The following DNAH1 variants were observed in gnomAD, a reference collection of about 807,000 sequenced individuals.
The protein encoded by DNAH1 is axonemal beta dynein heavy chain 1.
A neutral mutation model predicts 484.3 loss-of-function variants in DNAH1; 327 were observed. The observed-to-expected ratio is 0.68, with a 90% confidence interval of 0.62 to 0.74. DNAH1 has a LOEUF of 0.74. Ranked by LOEUF, DNAH1 falls within the 30% of genes least tolerant of loss-of-function variation. The pLI, the probability that DNAH1 is intolerant of heterozygous loss-of-function variation, is 0.00. For synonymous variants in DNAH1, 2,192 were observed against 2,191.9 expected, an observed-to-expected ratio of 1.00 and a Z score of 0.00; for missense variants, 5,052 against 5,546.8, an observed-to-expected ratio of 0.91 and a Z score of 2.83.
intron 44 of DNAH1, 64 bp downstream of exon 44, chr3:52,373,117 C>T (rs1703422991): frequency 2.0e-6 from 3 of 1,511,638 alleles, no homozygotes; most frequent in Non-Finnish European, 2.6e-6. Flanking sequence ...GCACAGGAGG[C>T]ACAGCACTGA....
At chr3:52,394,797 C>T in intron 67 of DNAH1, 118 bp from the exon 68 acceptor site, 2 of 1,494,040 alleles carry the variant, frequency 1.3e-6, no homozygotes, top group Admixed American at 2.1e-5. Context: ...TCTGTGCCTC[C>T]AGTGCCATAC....
chr3:52,389,463 C>A lies in DNAH1; in HGVS notation c.9498C>A (p.Gly3166=). The A allele has an allele frequency of 4.3e-6, 7 of 1,611,232 alleles. No individual in the cohort carries two copies. Among genetic ancestry groups the A allele is most frequent in the Non-Finnish European group, 5.9e-6 (7 of 1,178,890 alleles). Residue 3166 remains glycine (G), a splice_region_variant and synonymous_variant, in exon 60 of 78, where the codon GGC becomes GGA. Transcript: ENST00000420323. ...GFVAYLGPFT[G]QYRTVLYDSW... ...TCCTGAGTCTGGCATCTCCCCAGGG[C>A]CAGTACCGCACGGTGCTCTACGACA...
In DNAH1 at chr3:52,394,624, G is replaced by A. The variant is rs755137285; in HGVS notation, c.10786G>A (p.Glu3596Lys). ...FSSDFVKHLS[E>K]FRVIFDSLEP... ...TTCCGACTTCGTGAAGCACCTCTCA[G>A]AATTCCGGGTCATCTTCGACAGCCT... The change falls in exon 67 of 78, where the codon GAA becomes AAA. Residue 3596 changes from glutamate to lysine, a missense_variant. Coordinates refer to ENST00000420323, the MANE Select transcript of DNAH1 (RefSeq NM_015512.5). The A allele has an allele frequency of 2.5e-6, 4 of 1,593,446 alleles. No individual in the cohort carries two copies. In the South Asian group the frequency reaches 4.6e-5, roughly 18 times the overall value.
chr3:52,374,452 G>T (rs1230265359), intron 44 of DNAH1: 2 of 1,347,540 alleles, frequency 1.5e-6, no homozygotes, highest in Non-Finnish European at 2.1e-6. Context: ...AAGACTCACA[G>T]TCCAAAAGAA....
At chr3:52,326,676 C>A in intron 4 of DNAH1, 59 bp from the exon 5 acceptor site, 1 of 1,540,268 alleles carries the variant, frequency 6.5e-7, no homozygotes, top group African/African-American at 1.4e-5. Flanking sequence ...TGTGGACACC[C>A]ATGGAGCCAC....
intron 11 of DNAH1, 25 bp downstream of exon 11, chr3:52,346,795 C>G: frequency 6.3e-7 from 1 of 1,584,616 alleles, no homozygotes; most frequent in Non-Finnish European, 8.6e-7. Flanking sequence ...GGCGGAGGCA[C>G]CTGTTGACAC....
chr3:52,392,708 AC>A lies in DNAH1; in HGVS notation c.10278+22del. On this transcript the variant is annotated intron_variant, in intron 64 of 77. Transcript: ENST00000420323. Reference sequence around the variant, plus strand: ...GATCCAGGTCAGCTGCTGCCTGCCCACCCACCTGCCCCGGGAGTGCCCCGGG... The same window carrying A: ...GATCCAGGTCAGCTGCTGCCTGCCCACCACCTGCCCCGGGAGTGCCCCGGG... 1.5e-6 allele frequency: 2 copies of A among 1,295,574 alleles called. No homozygotes were observed. The highest frequency in any genetic ancestry group is 4.6e-5 in the Admixed American group (2 of 43,200). The allele number at this position is 1,295,574 out of a possible 1,614,324, so 80.3% of individuals were successfully genotyped here. A position where few individuals can be genotyped will look rare whatever the true frequency, so the allele number is the denominator to read the frequency against.
Position 52,361,534 on chromosome 3 carries a change from G to A in DNAH1, c.4875-127G>A. ...GGGTGGGGAGTGGCAGTGGGTTGAA[G>A]ACTGAGCTGATGGAGATTGCCCCTG... On this transcript the variant is annotated intron_variant, in intron 29 of 77. Transcript: ENST00000420323. This position sits in a 1 kb window ranked among gnomAD's most constrained non-coding sequence, Gnocchi z 5.6. 7.9e-7 allele frequency: 1 copy of A among 1,262,154 alleles called. No homozygotes were observed. The highest frequency in any genetic ancestry group is 1.1e-6 in the Non-Finnish European group (1 of 905,500). 78.2% of individuals were successfully genotyped at this position (1,262,154 alleles called of 1,614,324 possible). A position where few individuals can be genotyped will look rare whatever the true frequency, so the allele number is the denominator to read the frequency against.
rs202182939 is a variant in DNAH1, at chr3:52,393,441, C to T, written c.10582C>T (p.Leu3528=). ...GAAGCACAAGCTGATGTTTGCCTTC[C>T]TGCTGTGTGTTCGCATCATGATGAA... ...FEKHKLMFAF[L]LCVRIMMNEG... is the part of the protein sequence containing the mutation. Residue 3528 remains leucine, a synonymous_variant, in exon 66 of 78, where the codon CTG becomes TTG. Coordinates refer to ENST00000420323, the MANE Select transcript of DNAH1 (RefSeq NM_015512.5). 2.1e-4 allele frequency: 344 copies of T among 1,614,072 alleles called. 1 individual carries two copies. Among genetic ancestry groups the T allele is most frequent in the Middle Eastern group, 6.6e-4 (4 of 6,062 alleles).
chr3:52,332,343 G>T lies in DNAH1; in HGVS notation c.1235G>T (p.Ser412Ile), dbSNP rs1292610043. 6.2e-7 allele frequency: 1 copy of T among 1,614,002 alleles called. No individual in the cohort carries two copies. The highest frequency in any genetic ancestry group is 2.2e-5 in the East Asian group (1 of 44,888). ...GQHVISEQSL[S>I]KIKQWALSTP... ...CATGTCATCAGTGAACAGAGCCTGA[G>T]CAAGATCAAGCAGTGGGCCCTGAGC... Residue 412 changes from serine (S) to isoleucine (I), a missense_variant, in exon 8 of 78, where the codon AGC becomes ATC. Around this residue, in one of 4 missense-constraint regions of DNAH1, gnomAD observed 1,263 missense variants for 1,218.8 expected, o/e 1.04. Transcript: ENST00000420323.
chr3:52,391,233 A>G lies in DNAH1; in HGVS notation c.9796A>G (p.Ser3266Gly), dbSNP rs1041031721. Residue 3266 changes from serine (S) to glycine (G), a missense_variant, in exon 62 of 78, where the codon AGC (serine) becomes GGC (glycine). By Grantham distance (56) the Ser-to-Gly change is moderately conservative (BLOSUM62 0). Around this residue, in one of 4 missense-constraint regions of DNAH1, gnomAD observed 2,929 missense variants for 3,409.4 expected, o/e 0.86. Coordinates refer to ENST00000420323, the MANE Select transcript of DNAH1 (RefSeq NM_015512.5). ...FKLSDRDFLR[S>G]MENAIRFGKP... ...GTTGAGTGACCGCGACTTCCTGCGCAGCATGGAGAACGCCATCCGCTTTGG... is the reference window on the plus strand; with the variant it reads ...GTTGAGTGACCGCGACTTCCTGCGCGGCATGGAGAACGCCATCCGCTTTGG... The G allele has an allele frequency of 1.2e-6, 2 of 1,613,884 alleles. No homozygotes were observed. The highest frequency in any genetic ancestry group is 1.7e-5 in the Admixed American group (1 of 59,998).
At chr3:52,322,297 C>A in intron 1 of DNAH1, 112 bp from the exon 2 acceptor site, 1 of 683,574 alleles carries the variant, frequency 1.5e-6, no homozygotes, top group Non-Finnish European at 2.4e-6. Context: ...TCTTCTGTTA[C>A]CCATGGGTCA....
chr3:52,319,259 A>G (rs1484126083), intron 1 of DNAH1, among the ~76,000 whole-genome samples: 1 of 152,170 alleles, frequency 6.6e-6, no homozygotes, highest in Non-Finnish European at 1.5e-5. Flanking sequence ...AGTGGGGTTG[A>G]GTGTCAGTGA....
upstream of DNAH1, among the ~76,000 whole-genome samples, chr3:52,312,250 G>A (rs1700795246): frequency 6.6e-6 from 1 of 152,178 alleles, no homozygotes; most frequent in Non-Finnish European, 1.5e-5. Flanking sequence ...GGGTCTGCAA[G>A]GGCCAGTTTC....
In DNAH1 at chr3:52,385,590, C is replaced by A. The variant is rs986118557; in HGVS notation, c.8625+143C>A. 102 of 677,392 alleles carry A rather than the reference C, an allele frequency of 1.5e-4. No individual in the cohort carries two copies. The Admixed American group carries it at 2.3e-3, about 16-fold the overall frequency. 42.0% of individuals were successfully genotyped at this position (677,392 alleles called of 1,614,324 possible). A position where few individuals can be genotyped will look rare whatever the true frequency, so the allele number is the denominator to read the frequency against. On this transcript the variant is annotated intron_variant, in intron 54 of 77. Coordinates refer to ENST00000420323, the MANE Select transcript of DNAH1 (RefSeq NM_015512.5). ...CCAGCTTCCTCAATCAGTAGCCATC[C>A]ATTTTGTCATGGAATGTTTGCCCAG...
At position 52,397,774 on chromosome 3, in the gene DNAH1, A is replaced by G. The variant is rs1469391793; in HGVS notation, c.11855A>G (p.Asn3952Ser). 4 of 1,613,832 alleles carry G rather than the reference A, an allele frequency of 2.5e-6. No individual in the cohort carries two copies. Among genetic ancestry groups the G allele is most frequent in the Admixed American group, 3.3e-5 (2 of 59,996 alleles). ...DMPEIFGLHD[N>S]ANITFAQNET... Reference sequence around the variant, plus strand: ...CCTGAGATCTTTGGCCTGCATGACAATGCCAACATCACCTTTGCCCAGAAC... The same window carrying G: ...CCTGAGATCTTTGGCCTGCATGACAGTGCCAACATCACCTTTGCCCAGAAC... Residue 3952 changes from asparagine to serine, a missense_variant, in exon 74 of 78, where the codon AAT becomes AGT. Around this residue, in one of 4 missense-constraint regions of DNAH1, gnomAD observed 853 missense variants for 899.0 expected, o/e 0.95. Coordinates refer to ENST00000420323, the MANE Select transcript of DNAH1 (RefSeq NM_015512.5).
intron 50 of DNAH1, among the ~76,000 whole-genome samples, 166 bp from the exon 51 acceptor site, chr3:52,383,220 A>G (rs141499742): frequency 2.0e-5 from 3 of 152,348 alleles, no homozygotes; most frequent in South Asian, 4.1e-4. Flanking sequence ...GTCCTAGACT[A>G]TGACTACAGG....
At chr3:52,382,549 C>A in intron 50 of DNAH1, 94 bp downstream of exon 50, 2 of 1,550,422 alleles carry the variant, frequency 1.3e-6, no homozygotes, top group Non-Finnish European at 1.7e-6. Context: ...CCTTCATGCC[C>A]AGCTCACAGT....
chr3:52,350,397 A>G, intron 15 of DNAH1, 111 bp from the exon 16 acceptor site: 3 of 1,128,060 alleles, frequency 2.7e-6, no homozygotes, highest in Non-Finnish European at 3.9e-6. Context: ...AGACCTCCCC[A>G]TTCTGAAAGA....
Sources: gnomAD v4.1 joint callset for allele counts (sites outside exome capture counted in the v4.1 genomes callset) on GRCh38, gnomAD v4.1.1 for gene constraint, gnomAD v4.1.1 regional missense constraint, Gnocchi (gnomAD v3.1) non-coding constraint, MANE v1.5 for transcripts, NCBI Gene and HGNC (gene_info 2026-07-23, HGNC 2026-07-21) for gene names.